The following DDX3X variants were observed in gnomAD, a reference collection of about 807,000 sequenced individuals.
DDX3X encodes the protein ATP-dependent RNA helicase DDX3X.
A neutral mutation model predicts 52.7 loss-of-function variants in DDX3X; 4 were observed. That is an observed-to-expected ratio of 0.08 (90% CI 0.04 to 0.17). The LOEUF is 0.17. Among genes scored for constraint, DDX3X ranks in the 10% least tolerant of loss-of-function variants. DDX3X has a pLI of 1.00. For synonymous variants in DDX3X, 192 were observed against 178.1 expected (o/e 1.08, Z -0.62); for missense variants, 222 against 548.6 (o/e 0.40, Z 5.95).
intron 1 of DDX3X, chrX:41,336,137 T>C (rs1019348329): frequency 9.8e-5 from 11 of 112,355 alleles, no homozygotes; most frequent in African/African-American, 3.6e-4. Context: ...TACTGAGCTT[T>C]AAACACAAGA....
At chrX:41,354,275 A>G (rs1031129546), downstream of DDX3X, among the ~76,000 whole-genome samples, 1 of 104,995 alleles carries the variant, frequency 9.5e-6, no homozygotes, top group African/African-American at 3.5e-5. Context: ...GCAGTTTTAT[A>G]TGTGTAGATT....
intron 12 of DDX3X, chrX:41,345,771 C>T: frequency 2.6e-6 from 1 of 383,846 alleles, no homozygotes; most frequent in East Asian, 4.3e-5. Context: ...GTGTGGACAC[C>T]TGATAGGCAT....
At chrX:41,335,955 C>G (rs1310972099) in intron 1 of DDX3X, 1 of 112,195 alleles carries the variant, frequency 8.9e-6, no homozygotes, top group Non-Finnish European at 1.9e-5. Flanking sequence ...AGTTTGTGTT[C>G]CTACCGTGCT....
At chrX:41,346,204 A>G (rs752801273) in intron 12 of DDX3X, 25 bp from the exon 13 acceptor site, 1 of 1,188,073 alleles carries the variant, frequency 8.4e-7, no homozygotes. Flanking sequence ...GTTAGTGACA[A>G]AAACCTATAA....
chrX:41,351,684 G>A (rs1416991602), downstream of DDX3X: 2 of 111,265 alleles, frequency 1.8e-5, no homozygotes, highest in African/African-American at 6.5e-5. Flanking sequence ...TTTGCTTCAT[G>A]TCCTCATTTC....
At chrX:41,342,132 T>G in intron 4 of DDX3X, 1 of 171,782 alleles carries the variant, frequency 5.8e-6, no homozygotes, top group Non-Finnish European at 1.1e-5. Context: ...ACTAGGACGA[T>G]TGATATTTGG....
intron 1 of DDX3X, chrX:41,336,455 T>G (rs753876136): frequency 8.9e-6 from 1 of 112,137 alleles, no homozygotes; most frequent in South Asian, 3.7e-4. Context: ...AAGTCATCTT[T>G]GAACTTATGT....
intron 6 of DDX3X, 37 bp downstream of exon 6, chrX:41,342,873 G>T (rs1278586591): frequency 9.3e-7 from 1 of 1,071,927 alleles, no homozygotes; most frequent in South Asian, 1.9e-5. Context: ...GACACAGAGA[G>T]GTTAAATGTT....
chrX:41,344,216 C>G lies in DDX3X; in HGVS notation c.865-23C>G, dbSNP rs370318891. ...ATGTAAAAATTTTGACCTTGAAGTT[C>G]ATAACATTTTTTTTGCTTATAGTTT... On this transcript the variant is annotated intron_variant, in intron 9 of 16. Coordinates refer to ENST00000644876, the MANE Select transcript of DDX3X (RefSeq NM_001356.5). 7 of 1,200,293 alleles carry G rather than the reference C, an allele frequency of 5.8e-6. No homozygotes were observed. The South Asian group carries it at 9.1e-5, about 16-fold the overall frequency.
intron 1 of DDX3X, chrX:41,335,735 C>A (rs1400973832): frequency 1.8e-5 from 2 of 112,161 alleles, no homozygotes; most frequent in African/African-American, 6.5e-5. Flanking sequence ...CCTTTGGAAG[C>A]ATTTTCTACC....
intron 6 of DDX3X, 129 bp from the exon 7 acceptor site, chrX:41,343,087 A>G: frequency 2.4e-6 from 2 of 842,412 alleles, no homozygotes; most frequent in African/African-American, 2.1e-5. Context: ...TTCTCAAAGT[A>G]TAATGTGATA....
chrX:41,346,572 T>C lies in DDX3X; in HGVS notation c.1565T>C (p.Ile522Thr). The change falls in exon 14 of 17, where the codon ATT becomes ACT. Residue 522 changes from isoleucine to threonine, a missense_variant. Coordinates refer to ENST00000644876, the MANE Select transcript of DDX3X (RefSeq NM_001356.5). ...HVINFDLPSD[I>T]EEYVHRIGRT... ...ATCAATTTTGACTTGCCAAGTGATA[T>C]TGAAGAATATGTACATCGTATTGGT... 8.3e-7 allele frequency: 1 copy of C among 1,210,485 alleles called. No homozygotes were observed. Among genetic ancestry groups the C allele is most frequent in the Non-Finnish European group, 1.1e-6 (1 of 894,395 alleles).
At chrX:41,359,596 CA>C (rs397895766) in intron 5 of DDX3X, among the ~76,000 whole-genome samples, 98 of 52,542 alleles carry the variant, frequency 1.9e-3, no homozygotes, top group South Asian at 6.7e-3. Context: ...GATTCCATCT[CA>C]AAAAAAAAAA....
At chrX:41,362,157 C>T (rs1003147394) in intron 5 of DDX3X, among the ~76,000 whole-genome samples, 8 of 100,849 alleles carry the variant, frequency 7.9e-5, no homozygotes, top group Admixed American at 2.3e-4. Flanking sequence ...GGTGCGATCT[C>T]GGCTCACTGC....
intron 4 of DDX3X, chrX:41,341,856 G>A (rs953605123): frequency 6.2e-5 from 19 of 306,736 alleles, no homozygotes; most frequent in African/African-American, 4.9e-4. Context: ...CTACTTAAAA[G>A]AGTAAGTTCA....
intron 4 of DDX3X, chrX:41,341,850 T>C: frequency 3.1e-6 from 1 of 321,448 alleles, no homozygotes; most frequent in East Asian, 5.7e-5. Flanking sequence ...TATGTTCTAC[T>C]TAAAAGAGTA....
In DDX3X at chrX:41,334,208, C is replaced by T; in HGVS notation, c.-45C>T. ...GAGGGCCTTCGCGGTGGAACAAACA[C>T]TCGCTTAGCAGCGGAAGACTCCGAG... On this transcript the variant is annotated 5_prime_UTR_variant, in exon 1 of 17. Transcript: ENST00000644876. The T allele has an allele frequency of 4.2e-6, 5 of 1,181,422 alleles. No individual in the cohort carries two copies. The highest frequency in any genetic ancestry group is 5.7e-6 in the Non-Finnish European group (5 of 871,758).
At chrX:41,343,957 A>G in intron 8 of DDX3X, 73 bp from the exon 9 acceptor site, 1 of 1,017,348 alleles carries the variant, frequency 9.8e-7, no homozygotes, top group Non-Finnish European at 1.3e-6. Context: ...TAAATTACAA[A>G]AGGGAATTAT....
chrX:41,338,879 T>C (rs1193148112), intron 2 of DDX3X, 157 bp from the exon 3 acceptor site: 3 of 194,551 alleles, frequency 1.5e-5, no homozygotes, highest in Non-Finnish European at 2.8e-5. Flanking sequence ...CATTTAAAAT[T>C]AGATTCTTAT....
Sources: allele counts gnomAD v4.1 joint callset (sites outside exome capture counted in the v4.1 genomes callset), GRCh38; gene constraint gnomAD v4.1.1; transcripts MANE v1.5; gene names NCBI Gene and HGNC (gene_info 2026-07-23, HGNC 2026-07-21).